NEBL: variants seen among roughly 807,000 people sequenced by gnomAD.
NEBL encodes nebulette, also known as LIM and SH3 protein 2.
A neutral mutation model predicts 140.2 loss-of-function variants in NEBL; 122 were observed. That is an observed-to-expected ratio of 0.87 (90% CI 0.75 to 1.01). The LOEUF is 1.01. NEBL is among the 50% of genes least tolerant of loss of function. The pLI, the probability that NEBL is intolerant of heterozygous loss-of-function variation, is 0.00. For missense variants in NEBL, 1,365 were observed against 1,231.3 expected, an observed-to-expected ratio of 1.11 and a Z score of -1.62; for synonymous variants, 436 against 398.9, an observed-to-expected ratio of 1.09 and a Z score of -1.11.
chr10:20,907,798 C>G (rs1848159730), intron 4 of NEBL, among the ~76,000 whole-genome samples: 1 of 152,196 alleles, frequency 6.6e-6, no homozygotes, highest in East Asian at 1.9e-4. Context: ...CTGCTCCCAG[C>G]AAATTCATCT....
At chr10:21,124,675 G>A (rs1267650401) in intron 2 of NEBL, among the ~76,000 whole-genome samples, 1 of 152,224 alleles carries the variant, frequency 6.6e-6, no homozygotes, top group South Asian at 2.1e-4. Context: ...AAACAAGGCC[G>A]AGCATAGTGG....
In NEBL at chr10:21,010,408, C is replaced by A. The variant is rs145401829; in HGVS notation, c.249+9709G>T. Among the ~76,000 whole-genome samples, 25 of 147,562 alleles carry A rather than the reference C, an allele frequency of 1.7e-4. 1 individual carries two copies. In the East Asian group the frequency reaches 4.9e-3, roughly 29 times the overall value. Reference sequence around the variant, plus strand: ...TACAGGTGTGTGCTACCATGCCCAGCGAATTTTTTAATTTTTTTTTTTTTT... The same window carrying A: ...TACAGGTGTGTGCTACCATGCCCAGAGAATTTTTTAATTTTTTTTTTTTTT... On this transcript the variant is annotated intron_variant, in intron 3 of 6. Coordinates refer to the NEBL transcript ENST00000417816.
intron 3 of NEBL, among the ~76,000 whole-genome samples, chr10:21,217,373 T>G (rs886945706): frequency 2.6e-5 from 4 of 152,224 alleles, no homozygotes; most frequent in Non-Finnish European, 5.9e-5. Flanking sequence ...AAGGAGCTGC[T>G]TCTCACAGGG....
In NEBL at chr10:21,132,631, C is replaced by T. The variant is rs150225871; in HGVS notation, c.164+39752G>A. Among the ~76,000 whole-genome samples, 642 of 152,302 alleles carry T rather than the reference C, an allele frequency of 4.2e-3. 18 individuals are homozygous for T. Among genetic ancestry groups the T allele is most frequent in the East Asian group, 2.5e-3 (13 of 5,184 alleles). On this transcript the variant is annotated intron_variant, in intron 2 of 6. Coordinates refer to the NEBL transcript ENST00000417816. ...ATGTGTGAGAGTTCCATTTTGTCCA[C>T]ATTCTCACCAACATTTGTTATTGTC...
At chr10:20,990,166 G>A (rs918918645) in intron 3 of NEBL, among the ~76,000 whole-genome samples, 2 of 151,862 alleles carry the variant, frequency 1.3e-5, no homozygotes, top group African/African-American at 4.8e-5. Flanking sequence ...GTGATTAATT[G>A]TATTTAATGG....
intron 3 of NEBL, among the ~76,000 whole-genome samples, chr10:21,206,147 C>T (rs1270059078): frequency 6.6e-6 from 1 of 152,160 alleles, no homozygotes; most frequent in Non-Finnish European, 1.5e-5. Flanking sequence ...ATAAAATGAT[C>T]ATTGGATTAT....
At chr10:20,911,329 T>A (rs1234905762) in intron 4 of NEBL, among the ~76,000 whole-genome samples, 1 of 152,202 alleles carries the variant, frequency 6.6e-6, no homozygotes, top group Non-Finnish European at 1.5e-5. Flanking sequence ...GAATAAGATC[T>A]TCTATGTTGA....
At chr10:20,952,934 A>AAAAAG (rs1162097594) in intron 4 of NEBL, among the ~76,000 whole-genome samples, 11 of 151,188 alleles carry the variant, frequency 7.3e-5, no homozygotes, top group South Asian at 2.1e-4. Flanking sequence ...AAGAAAAAGA[A>AAAAAG]AAAAGAAAAG....
At position 21,120,514 on chromosome 10, in the gene NEBL, A is replaced by ACT. The variant is rs569902743; in HGVS notation, c.164+51867_164+51868dup. 4.5e-3 allele frequency among the ~76,000 whole-genome samples: 654 copies of ACT among 146,156 alleles called. 4 individuals carry two copies. Among genetic ancestry groups the ACT allele is most frequent in the African/African-American group, 0.015 (605 of 39,486 alleles). On this transcript the variant is annotated intron_variant, in intron 2 of 6. Coordinates refer to the NEBL transcript ENST00000417816. ...GTCCAAGGGTTGATACTTGGAGAAT[A>ACT]CTCTATTCTTCAACAATCTTTCACT... is the stretch of plus-strand genomic sequence containing the variant.
At chr10:21,228,404 T>C (rs1842201330) in intron 3 of NEBL, among the ~76,000 whole-genome samples, 1 of 152,188 alleles carries the variant, frequency 6.6e-6, no homozygotes, top group Admixed American at 6.5e-5. Flanking sequence ...TCCTCTCGCC[T>C]CAGCCTTCCA....
intron 2 of NEBL, among the ~76,000 whole-genome samples, chr10:21,035,961 G>C (rs879330730): frequency 6.6e-6 from 1 of 152,022 alleles, no homozygotes; most frequent in Non-Finnish European, 1.5e-5. Context: ...TCAAAAGCTC[G>C]AGACAAGCCT....
At chr10:20,838,153 C>T (rs943299324) in intron 13 of NEBL, among the ~76,000 whole-genome samples, 2 of 152,142 alleles carry the variant, frequency 1.3e-5, no homozygotes, top group Non-Finnish European at 2.9e-5. Flanking sequence ...GATGGTGATT[C>T]CTCTGATGAA....
At chr10:21,138,779 T>A (rs1292513798) in intron 2 of NEBL, among the ~76,000 whole-genome samples, 10 of 150,258 alleles carry the variant, frequency 6.7e-5, no homozygotes, top group African/African-American at 2.5e-4. Context: ...TGCAGCTGAT[T>A]CCAAAACATG....
intron 2 of NEBL, among the ~76,000 whole-genome samples, chr10:21,163,394 C>T (rs1324963579): frequency 2.6e-5 from 4 of 152,200 alleles, no homozygotes; most frequent in Non-Finnish European, 4.4e-5. Context: ...ATCAAAAATA[C>T]ATCTACTTAT....
intron 3 of NEBL, among the ~76,000 whole-genome samples, chr10:20,975,049 A>G (rs1051165830): frequency 2.0e-5 from 3 of 152,174 alleles, no homozygotes; most frequent in African/African-American, 4.8e-5. Flanking sequence ...GCTGACTCCA[A>G]ATGGTCCCCT....
At chr10:21,141,318 C>T (rs933980165) in intron 2 of NEBL, among the ~76,000 whole-genome samples, 2 of 152,058 alleles carry the variant, frequency 1.3e-5, no homozygotes, top group African/African-American at 2.4e-5. Context: ...GGAATGCCTT[C>T]GTTTTTAGGA....
At chr10:20,802,701 C>T (rs949852122) in intron 26 of NEBL, among the ~76,000 whole-genome samples, 3 of 152,070 alleles carry the variant, frequency 2.0e-5, no homozygotes, top group Non-Finnish European at 2.9e-5. Context: ...TTTGCCTTAA[C>T]GAAATGAGTT....
intron 2 of NEBL, among the ~76,000 whole-genome samples, chr10:21,027,240 G>T (rs527621839): frequency 6.6e-6 from 1 of 151,552 alleles, no homozygotes; most frequent in East Asian, 1.9e-4. Context: ...AGGCCCCTTT[G>T]TGCGTAACAG....
At chr10:21,100,477 TAA>T (rs746559974) in intron 2 of NEBL, among the ~76,000 whole-genome samples, 98 of 152,330 alleles carry the variant, frequency 6.4e-4, no homozygotes, top group Non-Finnish European at 1.2e-3. Context: ...GTGTAAAAGA[TAA>T]AGAGTGCAAA....
Sources: allele counts gnomAD v4.1 joint callset (sites outside exome capture counted in the v4.1 genomes callset), GRCh38; gene constraint gnomAD v4.1.1; transcripts MANE v1.5; gene names NCBI Gene and HGNC (gene_info 2026-07-23, HGNC 2026-07-21).